Variants in SSBP2 observed in about 807,000 individuals in gnomAD.
SSBP2 encodes single-stranded DNA-binding protein 2.
A neutral mutation model predicts 61.8 loss-of-function variants in SSBP2; 17 were observed. The observed-to-expected ratio is 0.28, with a 90% confidence interval of 0.19 to 0.41. SSBP2 has a LOEUF of 0.41. Ranked by LOEUF, SSBP2 falls within the 10% of genes least tolerant of loss-of-function variation. The pLI is 1.00. For missense variants in SSBP2, 310 were observed against 458.7 expected (o/e 0.68, Z 2.96); for synonymous variants, 139 against 141.3 (o/e 0.98, Z 0.12).
intron 4 of SSBP2, among the ~76,000 whole-genome samples, chr5:81,519,283 T>G (rs940370196): frequency 2.6e-5 from 4 of 152,168 alleles, no homozygotes; most frequent in South Asian, 4.1e-4. Context: ...TCTACTTCTC[T>G]TTTCTTCAAT....
At chr5:81,613,244 G>T (rs1745631890) in intron 4 of SSBP2, among the ~76,000 whole-genome samples, 1 of 147,110 alleles carries the variant, frequency 6.8e-6, no homozygotes, top group Non-Finnish European at 1.5e-5. Context: ...TATTCATAAT[G>T]AATTATAAAA....
intron 6 of SSBP2, 64 bp from the exon 7 acceptor site, chr5:81,474,626 C>T: frequency 8.1e-7 from 1 of 1,233,036 alleles, no homozygotes; most frequent in Non-Finnish European, 1.1e-6. Context: ...AGTTTTTTAA[C>T]AATTTCCTTT....
At chr5:81,442,763 G>T in intron 12 of SSBP2, 40 bp from the exon 13 acceptor site, 1 of 1,084,592 alleles carries the variant, frequency 9.2e-7, no homozygotes, top group Non-Finnish European at 1.4e-6. Context: ...TTTCTTTAGA[G>T]TCTATACCCA....
intron 4 of SSBP2, among the ~76,000 whole-genome samples, chr5:81,538,985 A>C (rs1263422188): frequency 1.3e-5 from 2 of 152,264 alleles, no homozygotes; most frequent in Admixed American, 6.5e-5. Context: ...TTGACTTTCA[A>C]GACTTATTAT....
At chr5:81,672,498 A>G (rs886213554) in intron 1 of SSBP2, among the ~76,000 whole-genome samples, 1 of 152,210 alleles carries the variant, frequency 6.6e-6, no homozygotes, top group Non-Finnish European at 1.5e-5. Context: ...AACAAATGAA[A>G]GAGAAAAATA....
rs200078117 is a variant in SSBP2 at position 81,716,079 on chromosome 5, CA to C, written c.62+34901del. Among the ~76,000 whole-genome samples, 224 of 146,500 alleles carry C rather than the reference CA, an allele frequency of 1.5e-3. 1 individual carries two copies. The highest frequency in any genetic ancestry group is 4.1e-3 in the African/African-American group (161 of 39,602). On this transcript the variant is annotated intron_variant, in intron 1 of 16. Coordinates refer to ENST00000320672, the MANE Select transcript of SSBP2 (RefSeq NM_012446.5). ...CTCAAAAACAAAACAACAACAACAACAAAAAAAAAACAGGACAGGTAAGAGG... is the reference window on the plus strand; with the variant it reads ...CTCAAAAACAAAACAACAACAACAACAAAAAAAAACAGGACAGGTAAGAGG...
chr5:81,462,045 A>T (rs1764579664), intron 9 of SSBP2, among the ~76,000 whole-genome samples: 1 of 152,174 alleles, frequency 6.6e-6, no homozygotes, highest in African/African-American at 2.4e-5. Context: ...TGATTCTAAG[A>T]CCTTAAACCT....
intron 14 of SSBP2, chr5:81,437,913 C>T (rs569131782): frequency 1.3e-5 from 2 of 151,872 alleles, no homozygotes; most frequent in South Asian, 4.1e-4. Flanking sequence ...ACTATAATAA[C>T]CAAAAGCTAA....
intron 3 of SSBP2, among the ~76,000 whole-genome samples, chr5:81,624,317 T>A (rs908169249): frequency 1.3e-5 from 2 of 152,246 alleles, no homozygotes; most frequent in Non-Finnish European, 2.9e-5. Flanking sequence ...AGGAAAGACA[T>A]TTCAAAATTT....
At chr5:81,567,501 C>T (rs1773513803) in intron 4 of SSBP2, among the ~76,000 whole-genome samples, 1 of 152,200 alleles carries the variant, frequency 6.6e-6, no homozygotes. Context: ...GCTGTAGGGG[C>T]AGGGCTCTCA....
chr5:81,623,947 CTTGT>C (rs1306605972), intron 3 of SSBP2, among the ~76,000 whole-genome samples: 2 of 152,074 alleles, frequency 1.3e-5, no homozygotes, highest in African/African-American at 4.8e-5. Flanking sequence ...TATACATGAT[CTTGT>C]TTAACATAGG....
rs1403803556 is a variant in SSBP2, at chr5:81,668,144, T to TA, written c.63-17806dup. Among the ~76,000 whole-genome samples, 15 of 150,876 alleles carry TA rather than the reference T, an allele frequency of 9.9e-5. No homozygotes were observed. The Admixed American group carries it at 1.0e-3, about 10-fold the overall frequency. On this transcript the variant is annotated intron_variant, in intron 1 of 16. Coordinates refer to ENST00000320672, the MANE Select transcript of SSBP2 (RefSeq NM_012446.5). ...TATCAATACTTAACTAAGATACAAT[T>TA]ACTGTTGATAGAAATTTCCTGGGAG...
intron 4 of SSBP2, 95 bp from the exon 5 acceptor site, chr5:81,513,812 T>G: frequency 1.4e-6 from 1 of 736,264 alleles, no homozygotes. Context: ...GGATGCTCTT[T>G]CATGCCTGGG....
chr5:81,672,924 C>T (rs1024259278), intron 1 of SSBP2, among the ~76,000 whole-genome samples: 18 of 151,448 alleles, frequency 1.2e-4, no homozygotes, highest in African/African-American at 4.4e-4. Flanking sequence ...GCAACCTCTG[C>T]CTCCCAGGAT....
intron 4 of SSBP2, among the ~76,000 whole-genome samples, chr5:81,533,188 T>A (rs1244962762): frequency 6.6e-6 from 1 of 152,022 alleles, no homozygotes; most frequent in Non-Finnish European, 1.5e-5. Flanking sequence ...AAGTATGTTA[T>A]CTGACCATAA....
intron 1 of SSBP2, among the ~76,000 whole-genome samples, chr5:81,735,537 A>T (rs1340658355): frequency 6.6e-6 from 1 of 152,218 alleles, no homozygotes; most frequent in East Asian, 1.9e-4. Flanking sequence ...CTATGTAAAC[A>T]GTTCTTATAC....
chr5:81,577,006 G>A (rs1774261886), intron 4 of SSBP2, among the ~76,000 whole-genome samples: 1 of 151,948 alleles, frequency 6.6e-6, no homozygotes, highest in Admixed American at 6.5e-5. Context: ...GTTCCAGGAA[G>A]GCAAGCAAAC....
intron 1 of SSBP2, among the ~76,000 whole-genome samples, chr5:81,665,628 G>T (rs1186941086): frequency 6.6e-6 from 1 of 152,124 alleles, no homozygotes; most frequent in Non-Finnish European, 1.5e-5. Flanking sequence ...TGAGTAGCTA[G>T]GATTACAGGC....
At chr5:81,614,380 A>C (rs921667847) in intron 4 of SSBP2, among the ~76,000 whole-genome samples, 1 of 151,568 alleles carries the variant, frequency 6.6e-6, no homozygotes, top group Non-Finnish European at 1.5e-5. Context: ...AAAAAAAAAA[A>C]AAGAATTGCA....
Sources: gnomAD v4.1 joint callset for allele counts (sites outside exome capture counted in the v4.1 genomes callset) on GRCh38, gnomAD v4.1.1 for gene constraint, MANE v1.5 for transcripts, NCBI Gene and HGNC (gene_info 2026-07-23, HGNC 2026-07-21) for gene names.